Variants in VOPP1 observed in about 807,000 individuals in gnomAD.
The protein encoded by VOPP1 is VOPP1 WW domain binding protein.
In VOPP1, 8 loss-of-function variants were observed where a neutral mutation model predicts 23.5. The observed-to-expected ratio is 0.34, with a 90% CI of 0.20 to 0.61. VOPP1 has a LOEUF of 0.61. Among genes scored for constraint, VOPP1 ranks in the 20% least tolerant of loss-of-function variants. VOPP1 has a pLI of 0.78. For missense variants in VOPP1, 174 were observed against 238.1 expected, an observed-to-expected ratio of 0.73 and a Z score of 1.77; for synonymous variants, 83 against 97.3, an observed-to-expected ratio of 0.85 and a Z score of 0.86.
At chr7:55,487,750 A>G (rs982026334) in intron 4 of VOPP1, among the ~76,000 whole-genome samples, 1 of 152,196 alleles carries the variant, frequency 6.6e-6, no homozygotes, top group African/African-American at 2.4e-5. Context: ...ATAATATTCC[A>G]CAAAGAAGAT....
intron 1 of VOPP1, among the ~76,000 whole-genome samples, chr7:55,550,024 TGAGTGC>T (rs1201351974): frequency 6.6e-6 from 1 of 152,190 alleles, no homozygotes; most frequent in Non-Finnish European, 1.5e-5. Flanking sequence ...CATGATAGCC[TGAGTGC>T]CACCACAGGC....
chr7:55,504,363 T>C (rs958555751), intron 2 of VOPP1, among the ~76,000 whole-genome samples: 5 of 152,222 alleles, frequency 3.3e-5, no homozygotes, highest in Non-Finnish European at 5.9e-5. Context: ...TAGCTACCTA[T>C]GAGAAATTGG....
downstream of VOPP1, among the ~76,000 whole-genome samples, chr7:55,435,673 G>A (rs1790805353): frequency 6.6e-6 from 1 of 152,184 alleles, no homozygotes; most frequent in Admixed American, 6.5e-5. Context: ...GTTTTACCCA[G>A]GCTGCAGCTC....
intron 1 of VOPP1, chr7:55,527,016 G>T (rs1278025461): frequency 6.6e-6 from 1 of 152,250 alleles, no homozygotes; most frequent in Non-Finnish European, 1.5e-5. Context: ...CACAGGCTGA[G>T]AACAAAGGGA....
intron 1 of VOPP1, among the ~76,000 whole-genome samples, chr7:55,541,865 T>G (rs1463678570): frequency 6.6e-6 from 1 of 152,194 alleles, no homozygotes; most frequent in East Asian, 1.9e-4. Flanking sequence ...AGAGTAAATT[T>G]AGAGACAGAG....
chr7:55,461,981 T>C lies in VOPP1; in HGVS notation n.418-25807A>G, dbSNP rs74340067. The stretch of plus-strand genomic sequence containing the variant: ...CATGATGCAAATATCAGCCTTTTGC[T>C]TTCAGATGTAGAACATGTTAAGCAT... On this transcript the variant is annotated intron_variant and non_coding_transcript_variant, in intron 4 of 4. Transcript: ENST00000462326. Among the ~76,000 whole-genome samples the C allele has an allele frequency of 1.3e-3, 195 of 152,356 alleles. 3 individuals carry two copies. In the East Asian group the frequency reaches 0.032, roughly 25 times the overall value.
At position 55,488,854 on chromosome 7, in the gene VOPP1, T is replaced by G. The variant is rs563762020; in HGVS notation, c.328+3428A>C. Reference sequence around the variant, plus strand: ...TGCTTTGTGCAGATGCCTGCACACCTTGGCACTGCCCGGACAGCCTCAGGC... The same window carrying G: ...TGCTTTGTGCAGATGCCTGCACACCGTGGCACTGCCCGGACAGCCTCAGGC... On this transcript the variant is annotated intron_variant, in intron 4 of 4. Transcript: ENST00000285279. Among the ~76,000 whole-genome samples, 28 of 152,384 alleles carry G rather than the reference T, an allele frequency of 1.8e-4. No individual in the cohort carries two copies. In the Middle Eastern group the frequency reaches 0.01, roughly 56 times the overall value.
In VOPP1 at chr7:55,471,403, G is replaced by A. The variant is rs1409064868; in HGVS notation, c.*1452C>T. On this transcript the variant is annotated 3_prime_UTR_variant, in exon 5 of 5. Transcript: ENST00000285279. ...AAAAGCATGGACACCAAATCACTCC[G>A]TATCCACTTCCATGAGATGTCTTGA... 6.6e-6 allele frequency: 1 copy of A among 152,380 alleles called. No homozygotes were observed. Among genetic ancestry groups the A allele is most frequent in the Admixed American group, 6.5e-5 (1 of 15,278 alleles). 9.4% of individuals were successfully genotyped at this position (152,380 alleles called of 1,614,324 possible).
intron 4 of VOPP1, among the ~76,000 whole-genome samples, chr7:55,482,504 T>G (rs1792812167): frequency 7.0e-6 from 1 of 142,230 alleles, no homozygotes; most frequent in Non-Finnish European, 1.5e-5. Flanking sequence ...TTTTTTTTTT[T>G]GTATTTTTAG....
intron 1 of VOPP1, among the ~76,000 whole-genome samples, chr7:55,563,606 A>ATCTTT (rs1798058532): frequency 6.6e-6 from 1 of 152,238 alleles, no homozygotes; most frequent in Non-Finnish European, 1.5e-5. Flanking sequence ...CCCAAGTCTA[A>ATCTTT]AGATGAAATT....
intron 4 of VOPP1, among the ~76,000 whole-genome samples, chr7:55,436,600 A>ATGAATGTGTGTGCATGAG (rs1790828026): frequency 1.3e-5 from 2 of 148,608 alleles, no homozygotes; most frequent in Non-Finnish European, 3.0e-5. Context: ...ACAATTGTGC[A>ATGAATGTGTGTGCATGAG]TGAGTGTGTG....
At chr7:55,443,999 A>G (rs749169652) in intron 4 of VOPP1, among the ~76,000 whole-genome samples, 18 of 152,272 alleles carry the variant, frequency 1.2e-4, no homozygotes, top group Admixed American at 9.2e-4. Context: ...TATAGATGAA[A>G]TGTTCAGGAT....
intron 2 of VOPP1, among the ~76,000 whole-genome samples, chr7:55,518,358 G>GT (rs1188847582): frequency 6.6e-6 from 1 of 152,218 alleles, no homozygotes; most frequent in Non-Finnish European, 1.5e-5. Flanking sequence ...AAATAAAAAA[G>GT]TAACAGAGCA....
chr7:55,496,336 T>C (rs77846951), intron 3 of VOPP1, among the ~76,000 whole-genome samples: 1,676 of 152,284 alleles, frequency 0.011, 11 homozygotes, highest in Middle Eastern at 0.02. Context: ...TGAAGCTGGG[T>C]CTTGCCCCTG....
chr7:55,550,906 A>G (rs1371109651), intron 1 of VOPP1, among the ~76,000 whole-genome samples: 1 of 152,238 alleles, frequency 6.6e-6, no homozygotes, highest in African/African-American at 2.4e-5. Flanking sequence ...ATTAAATTTT[A>G]GAGTCAGAGG....
At chr7:55,484,820 C>G (rs569606914) in intron 4 of VOPP1, among the ~76,000 whole-genome samples, 2 of 152,320 alleles carry the variant, frequency 1.3e-5, no homozygotes, top group African/African-American at 4.8e-5. Flanking sequence ...GACACACCGA[C>G]TTCTGGCCTC....
chr7:55,537,833 A>C, intron 1 of VOPP1: 1 of 739,564 alleles, frequency 1.4e-6, no homozygotes, highest in Non-Finnish European at 1.9e-6. Flanking sequence ...CACTACTTCA[A>C]ACCCATGAAA....
At chr7:55,476,347 G>A (rs535014185) in intron 4 of VOPP1, among the ~76,000 whole-genome samples, 61 of 151,706 alleles carry the variant, frequency 4.0e-4, no homozygotes, top group Non-Finnish European at 7.7e-4. Context: ...AGCCCCACGG[G>A]TGCCAGGGGG....
intron 4 of VOPP1, among the ~76,000 whole-genome samples, chr7:55,447,251 G>T (rs1791124225): frequency 6.6e-6 from 1 of 152,220 alleles, no homozygotes; most frequent in Non-Finnish European, 1.5e-5. Context: ...CCAAGCAACA[G>T]TGGAATTGTT....
Sources: gnomAD v4.1 joint callset for allele counts (sites outside exome capture counted in the v4.1 genomes callset) on GRCh38, gnomAD v4.1.1 for gene constraint, MANE v1.5 for transcripts, NCBI Gene and HGNC (gene_info 2026-07-23, HGNC 2026-07-21) for gene names.